The following SPRR2B variants were observed in gnomAD, a reference collection of about 807,000 sequenced individuals.
SPRR2B encodes the protein small proline-rich protein 2B.
In SPRR2B, 1 loss-of-function variant was observed where a neutral mutation model predicts 1.0. The ratio of observed to expected loss-of-function variants is 1.01; its 90% confidence interval spans 0.36 to 4.77. The LOEUF (loss-of-function observed/expected upper bound fraction) is 4.77. SPRR2B is among the 30% of genes most tolerant of loss of function. SPRR2B has a pLI of 0.16. For synonymous variants in SPRR2B, 27 were observed against 33.4 expected (o/e 0.81, Z 0.66); for missense variants, 53 against 88.7 (o/e 0.60, Z 1.62).
upstream of SPRR2B, among the ~76,000 whole-genome samples, chr1:153,074,740 G>C (rs1654740153): frequency 6.6e-6 from 1 of 152,188 alleles, no homozygotes; most frequent in Non-Finnish European, 1.5e-5. Context: ...ACTTTTCAAA[G>C]TATTCTCCAA....
chr1:153,076,859 C>A, the SPRR2B span, among the ~76,000 whole-genome samples: 46 of 152,170 alleles, frequency 3.0e-4, no homozygotes, highest in East Asian at 6.8e-3. Flanking sequence ...CAATGGAATA[C>A]CACACAATTA....
chr1:153,084,046 C>A, the SPRR2B span, among the ~76,000 whole-genome samples: 3 of 152,190 alleles, frequency 2.0e-5, no homozygotes, highest in African/African-American at 7.2e-5. Flanking sequence ...GATGCACTTC[C>A]TTGCAGAACA....
At chr1:153,087,160 G>C in the SPRR2B span, among the ~76,000 whole-genome samples, 1 of 152,028 alleles carries the variant, frequency 6.6e-6, no homozygotes, top group Non-Finnish European at 1.5e-5. Context: ...GGCACCTGTA[G>C]TCACAGCTAC....
chr1:153,071,607 G>A lies in SPRR2B; in HGVS notation c.-58C>T, dbSNP rs2101611048. On this transcript the variant is annotated 5_prime_UTR_variant, in exon 1 of 2. Transcript: ENST00000368755. ...GCAGATCGGTGCTCGAGTACCAGGAGTTTAGGAGTTGGGCAGCAGAGAACC... is the reference window on the plus strand; with the variant it reads ...GCAGATCGGTGCTCGAGTACCAGGAATTTAGGAGTTGGGCAGCAGAGAACC... 6.6e-6 allele frequency among the ~76,000 whole-genome samples: 1 copy of A among 152,292 alleles called. No homozygotes were observed. The highest frequency in any genetic ancestry group is 1.9e-4 in the East Asian group (1 of 5,176).
upstream of SPRR2B, among the ~76,000 whole-genome samples, chr1:153,073,980 A>G (rs1191937254): frequency 6.6e-6 from 1 of 152,158 alleles, no homozygotes; most frequent in Non-Finnish European, 1.5e-5. Context: ...GTGTGTGTTC[A>G]TAATGCTATG....
chr1:153,087,631 G>C, the SPRR2B span, among the ~76,000 whole-genome samples: 1 of 151,726 alleles, frequency 6.6e-6, no homozygotes, highest in Admixed American at 6.6e-5. Flanking sequence ...ATGTACATAA[G>C]CTAGAAAATA....
upstream of SPRR2B, among the ~76,000 whole-genome samples, chr1:153,073,907 CT>C (rs1245167471): frequency 6.6e-6 from 1 of 152,090 alleles, no homozygotes; most frequent in African/African-American, 2.4e-5. Flanking sequence ...AAATACTTTA[CT>C]TTTTTGTGAT....
chr1:153,071,744 A>T (rs1312288938), upstream of SPRR2B, among the ~76,000 whole-genome samples: 2 of 152,174 alleles, frequency 1.3e-5, no homozygotes, highest in African/African-American at 4.8e-5. Context: ...CATGACAGGG[A>T]TTCTCAAACT....
At chr1:153,075,408 A>G (rs1476734796), upstream of SPRR2B, among the ~76,000 whole-genome samples, 2 of 152,142 alleles carry the variant, frequency 1.3e-5, no homozygotes, top group East Asian at 1.9e-4. Flanking sequence ...AAATTGGCAG[A>G]TCATACTAGA....
Position 153,070,531 on chromosome 1 carries a change from A to G in SPRR2B, c.*90T>C, listed in dbSNP as rs907773340. 283 of 1,546,910 alleles carry G rather than the reference A, an allele frequency of 1.8e-4. No individual in the cohort carries two copies. Among genetic ancestry groups the G allele is most frequent in the Non-Finnish European group, 2.4e-4 (273 of 1,145,454 alleles). On this transcript the variant is annotated 3_prime_UTR_variant, in exon 2 of 2. Transcript: ENST00000368755. The stretch of plus-strand genomic sequence containing the variant: ...AAGAAGCTCCCTATGAATCCATGAT[A>G]AGCTTTGATGAGAAGATGAAGGTGG...
At chr1:153,085,778 G>T in the SPRR2B span, among the ~76,000 whole-genome samples, 1 of 152,158 alleles carries the variant, frequency 6.6e-6, no homozygotes, top group Non-Finnish European at 1.5e-5. Flanking sequence ...AAGGCAGCTA[G>T]AGAGAAAGAT....
the SPRR2B span, among the ~76,000 whole-genome samples, chr1:153,080,688 G>T: frequency 2.0e-5 from 3 of 151,992 alleles, no homozygotes; most frequent in Non-Finnish European, 2.9e-5. Context: ...TTTGAGAAAG[G>T]TTAAATAAAA....
chr1:153,081,796 A>G, the SPRR2B span, among the ~76,000 whole-genome samples: 1 of 151,072 alleles, frequency 6.6e-6, no homozygotes, highest in African/African-American at 2.4e-5. Flanking sequence ...ATAAGGTTGT[A>G]TGAGTCAATT....
At chr1:153,075,419 G>A (rs372302658), upstream of SPRR2B, among the ~76,000 whole-genome samples, 3 of 151,376 alleles carry the variant, frequency 2.0e-5, no homozygotes, top group Non-Finnish European at 4.4e-5. Flanking sequence ...TCATACTAGA[G>A]TAAAAAAAAT....
At chr1:153,072,296 G>A (rs2101611504), upstream of SPRR2B, among the ~76,000 whole-genome samples, 1 of 152,316 alleles carries the variant, frequency 6.6e-6, no homozygotes, top group South Asian at 2.1e-4. Flanking sequence ...ACCAGAGTGA[G>A]ATCCAGTCTC....
chr1:153,070,316 G>C lies in SPRR2B; in HGVS notation c.*305C>G, dbSNP rs2275301. ...CATGCCCAGGTGAAAGACAGACACA[G>C]AACACATCAACAGAATTCTCTGATG... On this transcript the variant is annotated 3_prime_UTR_variant, in exon 2 of 2. Coordinates refer to ENST00000368755, the MANE Select transcript of SPRR2B (RefSeq NM_001388198.1). 4.0e-3 allele frequency: 2,183 copies of C among 539,058 alleles called. 86 individuals are homozygous for C. The East Asian group carries it at 0.063, about 16-fold the overall frequency. The allele number at this position is 539,058 out of a possible 1,614,324, so 33.4% of individuals were successfully genotyped here. A position where few individuals can be genotyped will look rare whatever the true frequency, so the allele number is the denominator to read the frequency against.
the SPRR2B span, among the ~76,000 whole-genome samples, chr1:153,078,178 G>A: frequency 1.3e-5 from 2 of 151,850 alleles, no homozygotes; most frequent in Admixed American, 1.3e-4. Flanking sequence ...TACAATAGAC[G>A]AACTTTACAG....
At chr1:153,082,692 T>G in the SPRR2B span, among the ~76,000 whole-genome samples, 1 of 151,952 alleles carries the variant, frequency 6.6e-6, no homozygotes, top group South Asian at 2.1e-4. Context: ...ACCAAACTTA[T>G]GGGTTGCAGC....
At chr1:153,085,403 T>G in the SPRR2B span, among the ~76,000 whole-genome samples, 2 of 151,640 alleles carry the variant, frequency 1.3e-5, no homozygotes, top group African/African-American at 4.9e-5. Flanking sequence ...TCACAAGCAT[T>G]AACATCTGAA....
Sources: allele counts gnomAD v4.1 joint callset (sites outside exome capture counted in the v4.1 genomes callset), GRCh38; gene constraint gnomAD v4.1.1; transcripts MANE v1.5; gene names NCBI Gene and HGNC (gene_info 2026-07-23, HGNC 2026-07-21).